SERPINI2: variants seen among roughly 807,000 people sequenced by gnomAD.
SERPINI2 encodes the protein serpin family I member 2, also known as serpin I2.
In SERPINI2, 48 loss-of-function variants were observed where a neutral mutation model predicts 47.3. The observed-to-expected ratio is 1.02, with a 90% CI of 0.81 to 1.29. The LOEUF is 1.29. Among genes scored for constraint, SERPINI2 ranks in the 50% most tolerant of loss-of-function variants. The probability of loss-of-function intolerance (pLI) is 0.00; values close to 1 mark genes in which losing one functional copy is unlikely to be tolerated. For missense variants in SERPINI2, 448 were observed against 456.9 expected (o/e 0.98, Z 0.18); for synonymous variants, 135 against 149.3 (o/e 0.90, Z 0.70).
At chr3:167,442,046 C>A (rs9844202) in exon 9 of SERPINI2, 1 of 1,274,348 alleles carries the variant, frequency 7.8e-7, no homozygotes, top group Non-Finnish European at 1.1e-6. Context: ...GTCAAGATGA[C>A]GATATTTTGC....
intron 5 of SERPINI2, among the ~76,000 whole-genome samples, chr3:167,459,078 G>GTTTTTTTTTTTTTTT (rs536122299): frequency 1.4e-5 from 2 of 139,028 alleles, no homozygotes; most frequent in African/African-American, 5.3e-5. Context: ...GTTTTTTTTT[G>GTTTTTTTTTTTTTTT]TTTTTTTTTT....
chr3:167,464,009 C>CATTTTT (rs1491152177), intron 5 of SERPINI2, among the ~76,000 whole-genome samples: 1 of 93,262 alleles, frequency 1.1e-5, no homozygotes. Context: ...ACAGGAGTGG[C>CATTTTT]TTTTTTTTTT....
chr3:167,446,267 A>AT, intron 8 of SERPINI2, 125 bp downstream of exon 8: 1 of 610,362 alleles, frequency 1.6e-6, no homozygotes, highest in Non-Finnish European at 2.8e-6. Context: ...CCTGGTATAT[A>AT]AAATGCACTT....
At chr3:167,453,124 A>G (rs1204531655) in intron 5 of SERPINI2, 91 bp from the exon 6 acceptor site, 4 of 601,010 alleles carry the variant, frequency 6.7e-6, no homozygotes, top group Non-Finnish European at 1.1e-5. Flanking sequence ...AGGATAATAT[A>G]TTGTAAAATC....
At position 167,446,205 on chromosome 3, in the gene SERPINI2, C is replaced by T. The variant is rs138680606; in HGVS notation, c.1141+187G>A. Among the ~76,000 whole-genome samples the T allele has an allele frequency of 3.9e-5, 6 of 152,282 alleles. No individual in the cohort carries two copies. In the East Asian group the frequency reaches 1.2e-3, roughly 29 times the overall value. ...CGCATATAGTAGCCATGATGGCAGC[C>T]ATTATTACCACTGCCCTATTTTAGG... On this transcript the variant is annotated intron_variant, in intron 8 of 8. Transcript: ENST00000264677.
In SERPINI2 at chr3:167,449,408, TAA is replaced by T; in HGVS notation, c.965-8_965-7del. On this transcript the variant is annotated splice_polypyrimidine_tract_variant and splice_region_variant and intron_variant, in intron 6 of 8. Coordinates refer to ENST00000264677, the Ensembl canonical transcript of SERPINI2. ...AACATACACTTCAGATGAATCTGGTTAAAAAAAAATACACAAAAGTGTATTTA... is the reference window on the plus strand; with the variant it reads ...AACATACACTTCAGATGAATCTGGTTAAAAAAATACACAAAAGTGTATTTA... 1 of 1,524,662 alleles carries T rather than the reference TAA, an allele frequency of 6.6e-7. No individual in the cohort carries two copies. Among genetic ancestry groups the T allele is most frequent in the Non-Finnish European group, 9.0e-7 (1 of 1,112,334 alleles). The allele number at this position is 1,524,662 out of a possible 1,614,324, so 94.4% of individuals were successfully genotyped here. A position where few individuals can be genotyped will look rare whatever the true frequency, so the allele number is the denominator to read the frequency against.
intron 5 of SERPINI2, among the ~76,000 whole-genome samples, chr3:167,461,334 C>T (rs1207967169): frequency 6.6e-6 from 1 of 152,136 alleles, no homozygotes; most frequent in Non-Finnish European, 1.5e-5. Flanking sequence ...GATACTGTAA[C>T]TGAAACTGCC....
rs1404396781 is a variant in SERPINI2, at chr3:167,452,938, G to A, written c.962C>T (p.Thr321Ile). The A allele has an allele frequency of 4.5e-6, 7 of 1,570,722 alleles. No homozygotes were observed. In the South Asian group the frequency reaches 8.1e-5, roughly 18 times the overall value. Residue 321 changes from threonine (T) to isoleucine (I), a missense_variant and splice_region_variant, in exon 6 of 9, where the codon ACA (threonine) becomes ATA (isoleucine). Physicochemically the swap from Thr to Ile is moderately conservative, Grantham distance 89. Coordinates refer to ENST00000264677, the Ensembl canonical transcript of SERPINI2. ...ATAAGAATTATTTATCATACTACCT[G>A]TTATTCCAGAAAGGTCGCAGCCACC...
intron 8 of SERPINI2, 118 bp downstream of exon 8, chr3:167,446,274 A>C: frequency 1.6e-6 from 1 of 633,052 alleles, no homozygotes; most frequent in South Asian, 2.3e-5. Context: ...TATAAAATGC[A>C]CTTAACAAAT....
At chr3:167,446,715 A>G (rs941103216) in intron 7 of SERPINI2, 7 of 264,230 alleles carry the variant, frequency 2.6e-5, no homozygotes, top group African/African-American at 8.9e-5. Flanking sequence ...TGTATGCTCA[A>G]TGAAGAAGCA....
chr3:167,448,361 A>T (rs977395743), intron 7 of SERPINI2, among the ~76,000 whole-genome samples: 1 of 152,242 alleles, frequency 6.6e-6, no homozygotes, highest in Non-Finnish European at 1.5e-5. Flanking sequence ...TACATTTGTA[A>T]TAAAAAAGGC....
chr3:167,456,150 C>CTGTGTGTGTGTG (rs68048909), intron 5 of SERPINI2, among the ~76,000 whole-genome samples: 2,227 of 144,462 alleles, frequency 0.015, 26 homozygotes, highest in East Asian at 0.037. Context: ...TCAATTACCT[C>CTGTGTGTGTGTG]TGTGTGTGTG....
Position 167,474,057 on chromosome 3 carries a change from G to C in SERPINI2, c.-65C>G, listed in dbSNP as rs1273000322. On this transcript the variant is annotated 5_prime_UTR_variant, in exon 1 of 9. Coordinates refer to ENST00000264677, the Ensembl canonical transcript of SERPINI2. ...ATGTTACAACTAAAATACGCTTGCT[G>C]GAAAACTCTTGTACATAAACACCTG... 3 of 1,044,504 alleles carry C rather than the reference G, an allele frequency of 2.9e-6. No homozygotes were observed. Among genetic ancestry groups the C allele is most frequent in the African/African-American group, 3.4e-5 (2 of 59,396 alleles). 64.7% of individuals were successfully genotyped at this position (1,044,504 alleles called of 1,614,324 possible).
chr3:167,465,566 C>G, exon 4 of SERPINI2: 1 of 1,613,846 alleles, frequency 6.2e-7, no homozygotes, highest in Non-Finnish European at 8.5e-7. Context: ...TGTGTGTCCT[C>G]TTTTCTGAAT....
At chr3:167,465,779 G>A (rs1750116442) in intron 3 of SERPINI2, 106 bp from the exon 4 acceptor site, 2 of 867,198 alleles carry the variant, frequency 2.3e-6, no homozygotes, top group South Asian at 3.7e-5. Context: ...GATCAGTTTT[G>A]GATAGGGCAT....
chr3:167,469,222 G>C (rs1410691255), intron 2 of SERPINI2: 1 of 152,042 alleles, frequency 6.6e-6, no homozygotes. Flanking sequence ...TTCTAAAATA[G>C]AGCCATGGAT....
chr3:167,465,334 A>G, exon 5 of SERPINI2: 1 of 1,612,938 alleles, frequency 6.2e-7, no homozygotes. Context: ...TAATTAAGCT[A>G]AATTCATCAC....
At chr3:167,462,073 C>T (rs114157488) in intron 5 of SERPINI2, among the ~76,000 whole-genome samples, 137 of 152,244 alleles carry the variant, frequency 9.0e-4, no homozygotes, top group African/African-American at 3.2e-3. Context: ...TGGGTGCTAG[C>T]ACTGTTGCAA....
chr3:167,460,510 C>A (rs924168931), intron 5 of SERPINI2, among the ~76,000 whole-genome samples: 6 of 152,076 alleles, frequency 3.9e-5, no homozygotes, highest in African/African-American at 1.4e-4. Context: ...CAAATTGTTC[C>A]TTTAACAAAT....
Sources: gnomAD v4.1 joint callset for allele counts (sites outside exome capture counted in the v4.1 genomes callset) on GRCh38, gnomAD v4.1.1 for gene constraint, MANE v1.5 for transcripts, NCBI Gene and HGNC (gene_info 2026-07-23, HGNC 2026-07-21) for gene names.